Variants in NLRP12 observed in about 807,000 individuals in gnomAD.
The protein encoded by NLRP12 is NLR family pyrin domain containing 12, also known as NACHT, LRR and PYD domains-containing protein 12.
In NLRP12, 108 loss-of-function variants were observed where a neutral mutation model predicts 91.2. That is an observed-to-expected ratio of 1.18 (90% CI 1.01 to 1.39). NLRP12 has a LOEUF of 1.39. Among genes scored for constraint, NLRP12 ranks in the 40% most tolerant of loss-of-function variants. The probability of loss-of-function intolerance (pLI) is 0.00; values close to 1 mark genes in which losing one functional copy is unlikely to be tolerated. For missense variants in NLRP12, 1,530 were observed against 1,352.7 expected, an observed-to-expected ratio of 1.13 and a Z score of -2.06; for synonymous variants, 613 against 566.7, an observed-to-expected ratio of 1.08 and a Z score of -1.16.
intron 7 of NLRP12, 133 bp downstream of exon 7, chr19:53,801,093 TC>T (rs1420608573): frequency 6.3e-5 from 45 of 717,498 alleles, no homozygotes; most frequent in African/African-American, 6.0e-4. Flanking sequence ...CTTGGGAGTC[TC>T]AAAAAAAAAA....
rs763612944 is a variant in NLRP12, at chr19:53,810,340, A to G, written c.1319T>C (p.Leu440Pro). Reference protein sequence around the residue: ...TTTAVYMLYLLSLMQPKPGAP... With the variant: ...TTTAVYMLYLPSLMQPKPGAP... ...CCCCGGCTTGGGTTGCATCAGACTCAGCAGGTAGAGCATGTACACTGCAGT... is the reference window on the plus strand; with the variant it reads ...CCCCGGCTTGGGTTGCATCAGACTCGGCAGGTAGAGCATGTACACTGCAGT... Residue 440 changes from leucine to proline, a missense_variant, in exon 3 of 10, where the codon CTG becomes CCG. Leu to Pro is a moderately conservative substitution (Grantham distance 98, BLOSUM62 -3). Coordinates refer to ENST00000324134, the MANE Select transcript of NLRP12 (RefSeq NM_144687.4). 1 of 1,613,634 alleles carries G rather than the reference A, an allele frequency of 6.2e-7. No homozygotes were observed. The highest frequency in any genetic ancestry group is 2.2e-5 in the East Asian group (1 of 44,866).
At position 53,799,403 on chromosome 19, in the gene NLRP12, T is replaced by C. The variant is rs560596688; in HGVS notation, c.2757-990A>G. On this transcript the variant is annotated intron_variant, in intron 7 of 9. Transcript: ENST00000324134. ...TTTGAGCACTTCTACCCACGTCTTATACTAGTCACTAGGAGATACAGTTGG... is the reference window on the plus strand; with the variant it reads ...TTTGAGCACTTCTACCCACGTCTTACACTAGTCACTAGGAGATACAGTTGG... 2.6e-5 allele frequency among the ~76,000 whole-genome samples: 4 copies of C among 152,254 alleles called. 1 individual carries two copies. The highest frequency in any genetic ancestry group is 6.8e-3 in the Middle Eastern group (2 of 294).
intron 8 of NLRP12, chr19:53,796,265 T>G (rs2091758154): frequency 2.1e-6 from 1 of 478,676 alleles, no homozygotes; most frequent in African/African-American, 2.0e-5. Context: ...ATTTTTGTTT[T>G]GTTTGAGATG....
Position 53,811,007 on chromosome 19 carries a change from C to T in NLRP12, c.652G>A (p.Ala218Thr), listed in dbSNP as rs780112328. 36 of 1,613,798 alleles carry T rather than the reference C, an allele frequency of 2.2e-5. No individual in the cohort carries two copies. The highest frequency in any genetic ancestry group is 4.5e-5 in the East Asian group (2 of 44,888). ...AGCATGGACTTGCCTATCCCTGCCGCGCCTTGCATGACCACGGTGCGCGGT... is the reference window on the plus strand; with the variant it reads ...AGCATGGACTTGCCTATCCCTGCCGTGCCTTGCATGACCACGGTGCGCGGT... Reference protein sequence around the residue: ...EPPRTVVMQGAAGIGKSMLAH... With the variant: ...EPPRTVVMQGTAGIGKSMLAH... The change falls in exon 3 of 10, where the codon GCG becomes ACG. Residue 218 changes from alanine to threonine, a missense_variant. Physicochemically the swap from Ala to Thr is moderately conservative, Grantham distance 58. Coordinates refer to ENST00000324134, the MANE Select transcript of NLRP12 (RefSeq NM_144687.4).
chr19:53,801,168 G>T (rs1405082356), intron 7 of NLRP12, 59 bp downstream of exon 7: 4 of 1,534,648 alleles, frequency 2.6e-6, no homozygotes, highest in Non-Finnish European at 3.6e-6. Context: ...GTGGTCCCAG[G>T]TGAGAGGGCT....
intron 1 of NLRP12, among the ~76,000 whole-genome samples, chr19:53,815,532 C>A (rs2092145524): frequency 6.7e-6 from 1 of 149,480 alleles, no homozygotes; most frequent in Non-Finnish European, 1.5e-5. Flanking sequence ...TGGCACCAAC[C>A]AATCTTTTTG....
chr19:53,809,494 G>A (rs1296731391), intron 3 of NLRP12, 93 bp downstream of exon 3: 1 of 1,276,492 alleles, frequency 7.8e-7, no homozygotes, highest in African/African-American at 1.7e-5. Flanking sequence ...TCACGCCAGT[G>A]TACTCCAGCC....
At chr19:53,823,519 C>CATATTTTAAAAT (rs1437022631) in intron 1 of NLRP12, among the ~76,000 whole-genome samples, 1 of 39,268 alleles carries the variant, frequency 2.5e-5, no homozygotes, top group African/African-American at 9.4e-5. Context: ...ATATTTAAAA[C>CATATTTTAAAAT]ATATATTTTA....
At position 53,810,483 on chromosome 19, in the gene NLRP12, C is replaced by G; in HGVS notation, c.1176G>C (p.Arg392Ser). 1 of 1,614,088 alleles carries G rather than the reference C, an allele frequency of 6.2e-7. No individual in the cohort carries two copies. The highest frequency in any genetic ancestry group is 8.5e-7 in the Non-Finnish European group (1 of 1,180,012). Residue 392 changes from arginine (R) to serine (S), a missense_variant, in exon 3 of 10, where the codon AGG (arginine) becomes AGC (serine). By Grantham distance (110) the Arg-to-Ser change is moderately radical. Coordinates refer to ENST00000324134, the MANE Select transcript of NLRP12 (RefSeq NM_144687.4). ...ACATGGTGAAGAGAGGCTCGTTGTC[C>G]CTCACGTAATTGAAGACTTGGCCCG... ...EQAGQVFNYV[R>S]DNEPLFTMCF...
chr19:53,796,247 A>G, intron 8 of NLRP12: 1 of 560,030 alleles, frequency 1.8e-6, no homozygotes, highest in South Asian at 1.7e-5. Flanking sequence ...TAATTTTTGT[A>G]TCCTTTTATT....
chr19:53,823,426 A>ATTTTTAAAAT (rs2092293027), intron 1 of NLRP12, among the ~76,000 whole-genome samples: 2 of 105,944 alleles, frequency 1.9e-5, no homozygotes, highest in South Asian at 5.5e-4. Flanking sequence ...TTTTAAATAT[A>ATTTTTAAAAT]TATATTTAAA....
rs749390333 is a variant in NLRP12, at chr19:53,811,014, C to T, written c.645G>A (p.Met215Ile). The change falls in exon 3 of 10, where the codon ATG (methionine) becomes ATA (isoleucine). Residue 215 changes from methionine to isoleucine, a missense_variant. Transcript: ENST00000324134. ...ACTTGCCTATCCCTGCCGCGCCTTG[C>T]ATGACCACGGTGCGCGGTGGCTCGG... ...ERPEPPRTVV[M>I]QGAAGIGKSM... The T allele has an allele frequency of 6.2e-6, 10 of 1,613,700 alleles. No homozygotes were observed. The highest frequency in any genetic ancestry group is 3.3e-5 in the Admixed American group (2 of 59,990).
chr19:53,804,952 C>T (rs530600687), intron 5 of NLRP12, among the ~76,000 whole-genome samples: 3 of 152,102 alleles, frequency 2.0e-5, no homozygotes, highest in South Asian at 2.1e-4. Context: ...ATCACTTGAA[C>T]GCAGGAAGTG....
chr19:53,823,256 T>C (rs976309164), intron 1 of NLRP12, among the ~76,000 whole-genome samples: 1 of 141,190 alleles, frequency 7.1e-6, no homozygotes, highest in African/African-American at 2.6e-5. Flanking sequence ...ATATATAATA[T>C]TTATTATTTA....
chr19:53,804,390 T>G (rs191632771), intron 5 of NLRP12, among the ~76,000 whole-genome samples: 6,576 of 134,670 alleles, frequency 0.049, 195 homozygotes, highest in Non-Finnish European at 0.055. Flanking sequence ...TTGTTTTTTT[T>G]GGGTTTTTTT....
At position 53,824,243 on chromosome 19, in the gene NLRP12, G is replaced by T; in HGVS notation, c.-69C>A. On this transcript the variant is annotated 5_prime_UTR_variant, in exon 1 of 10. It introduces an in-frame stop codon into an upstream open reading frame of the 5' UTR. Coordinates refer to ENST00000324134, the MANE Select transcript of NLRP12 (RefSeq NM_144687.4). ...TGCTCCTATGCACGGGACACAGGGCGACCCCAGCACACCTTCCATTGCATC... is the reference window on the plus strand; with the variant it reads ...TGCTCCTATGCACGGGACACAGGGCTACCCCAGCACACCTTCCATTGCATC... 6.6e-7 allele frequency: 1 copy of T among 1,511,654 alleles called. No homozygotes were observed. The allele number at this position is 1,511,654 out of a possible 1,614,324, so 93.6% of individuals were successfully genotyped here. A position where few individuals can be genotyped will look rare whatever the true frequency, so the allele number is the denominator to read the frequency against.
At chr19:53,804,398 T>G (rs1318054147) in intron 5 of NLRP12, among the ~76,000 whole-genome samples, 1 of 71,198 alleles carries the variant, frequency 1.4e-5, no homozygotes, top group Non-Finnish European at 4.3e-5. Context: ...TTTGGGTTTT[T>G]TTGTTTTTTT....
At position 53,811,016 on chromosome 19, in the gene NLRP12, T is replaced by C; in HGVS notation, c.643A>G (p.Met215Val). Residue 215 changes from methionine (M) to valine (V), a missense_variant, in exon 3 of 10, where the codon ATG (methionine) becomes GTG (valine). Coordinates refer to ENST00000324134, the MANE Select transcript of NLRP12 (RefSeq NM_144687.4). ...TTGCCTATCCCTGCCGCGCCTTGCA[T>C]GACCACGGTGCGCGGTGGCTCGGGG... ...ERPEPPRTVV[M>V]QGAAGIGKSM... The C allele has an allele frequency of 1.2e-6, 2 of 1,613,758 alleles. No homozygotes were observed. Among genetic ancestry groups the C allele is most frequent in the Non-Finnish European group, 1.7e-6 (2 of 1,179,694 alleles).
intron 9 of NLRP12, among the ~76,000 whole-genome samples, chr19:53,795,439 AT>A (rs2091736875): frequency 6.7e-6 from 1 of 150,208 alleles, no homozygotes; most frequent in Admixed American, 6.7e-5. Context: ...CAGTGGTGTG[AT>A]CTTGGGTCAC....
Sources: gnomAD v4.1 joint callset for allele counts (sites outside exome capture counted in the v4.1 genomes callset) on GRCh38, gnomAD v4.1.1 for gene constraint, MANE v1.5 for transcripts, NCBI Gene and HGNC (gene_info 2026-07-23, HGNC 2026-07-21) for gene names.